The following CNN2 variants were observed in gnomAD, a reference collection of about 807,000 sequenced individuals.
CNN2 encodes calponin 2.
In CNN2, 21 loss-of-function variants were observed where a neutral mutation model predicts 31.0. The observed-to-expected ratio is 0.68, with a 90% CI of 0.48 to 0.98. The LOEUF (loss-of-function observed/expected upper bound fraction) is 0.98. CNN2 is among the 50% of genes least tolerant of loss of function. The probability of loss-of-function intolerance (pLI) is 0.00; values close to 1 mark genes in which losing one functional copy is unlikely to be tolerated. For missense variants in CNN2, 399 were observed against 427.3 expected (o/e 0.93, Z 0.58); for synonymous variants, 165 against 179.6 (o/e 0.92, Z 0.65).
chr19:1,035,473 A>C (rs915545037), intron 4 of CNN2, among the ~76,000 whole-genome samples: 5 of 152,148 alleles, frequency 3.3e-5, no homozygotes, highest in South Asian at 4.1e-4. Context: ...AGTGAGGGGC[A>C]GAGCCAATGG....
intron 1 of CNN2, among the ~76,000 whole-genome samples, chr19:1,027,466 G>A (rs1257340295): frequency 6.6e-6 from 1 of 152,232 alleles, no homozygotes; most frequent in Non-Finnish European, 1.5e-5. Flanking sequence ...CTTGAGCCCA[G>A]CGAGTTCGAG....
At position 1,031,030 on chromosome 19, in the gene CNN2, GC is replaced by G; in HGVS notation, c.64-36del. The G allele has an allele frequency of 2.5e-6, 4 of 1,578,052 alleles. No individual in the cohort carries two copies. The East Asian group carries it at 6.9e-5, about 27-fold the overall frequency. On this transcript the variant is annotated intron_variant, in intron 1 of 6. Transcript: ENST00000263097. ...CTTCTGTGGGGTTCCTGCTGGGGGT[GC>G]CCCCAGCCCAGCTCAGTCTCGTGCC...
At chr19:1,026,840 G>A (rs909819481) in intron 1 of CNN2, 116 bp downstream of exon 1, 73 of 1,011,842 alleles carry the variant, frequency 7.2e-5, no homozygotes, top group Non-Finnish European at 9.3e-5. Flanking sequence ...GAGACCCGGG[G>A]CGGACGGGCC....
intron 2 of CNN2, among the ~76,000 whole-genome samples, 157 bp downstream of exon 2, chr19:1,031,349 G>A (rs1244811318): frequency 2.0e-5 from 3 of 149,414 alleles, no homozygotes; most frequent in South Asian, 2.1e-4. Context: ...GGCGGGGGGC[G>A]GTGGATCTCG....
At chr19:1,031,775 C>T (rs867224602) in intron 2 of CNN2, among the ~76,000 whole-genome samples, 7 of 150,676 alleles carry the variant, frequency 4.6e-5, no homozygotes, top group African/African-American at 1.7e-4. Context: ...CCACCATGCC[C>T]GGCTAATTTT....
At chr19:1,037,577 C>A in intron 6 of CNN2, 48 bp from the exon 7 acceptor site, 1 of 1,579,572 alleles carries the variant, frequency 6.3e-7, no homozygotes, top group Non-Finnish European at 8.7e-7. Flanking sequence ...CAGTGAAGGT[C>A]CCCTCTTCTC....
In CNN2 at chr19:1,037,772, A is replaced by T. The variant is rs745738403; in HGVS notation, c.802A>T (p.Ile268Leu). Residue 268 changes from isoleucine (I) to leucine (L), a missense_variant, in exon 7 of 7, where the codon ATA (isoleucine) becomes TTA (leucine). Physicochemically the swap from Ile to Leu is conservative, Grantham distance 5. Transcript: ENST00000263097. The part of the protein sequence containing the change: ...SGQVFGLGRQ[I>L]YDPKYCPQGT... ...CCAGGTCTTCGGCCTGGGCCGGCAG[A>T]TATATGACCCCAAGTACTGCCCGCA... The T allele has an allele frequency of 8.7e-6, 14 of 1,611,538 alleles. No individual in the cohort carries two copies. The South Asian group carries it at 1.5e-4, about 18-fold the overall frequency.
chr19:1,031,233 A>T, intron 2 of CNN2, 41 bp downstream of exon 2: 1 of 1,474,312 alleles, frequency 6.8e-7, no homozygotes, highest in Admixed American at 2.2e-5. Context: ...ACACTTAACA[A>T]ATCTTGGTTT....
Position 1,029,176 on chromosome 19 carries a change from G to A in CNN2, c.64-1895G>A, listed in dbSNP as rs189517402. 6.1e-4 allele frequency among the ~76,000 whole-genome samples: 64 copies of A among 105,454 alleles called. 1 individual carries two copies. The East Asian group carries it at 9.5e-3, about 16-fold the overall frequency. 69.2% of individuals were successfully genotyped at this position (105,454 alleles called of 152,430 possible). On this transcript the variant is annotated intron_variant, in intron 1 of 6. Coordinates refer to ENST00000263097, the MANE Select transcript of CNN2 (RefSeq NM_004368.4). ...CATCCCAGGCAGGTCCAGCTCAGGG[G>A]ACCCTACCCAAATCATTCCAGGCAG...
At chr19:1,028,223 G>A (rs2039429084) in intron 1 of CNN2, among the ~76,000 whole-genome samples, 1 of 134,026 alleles carries the variant, frequency 7.5e-6, no homozygotes, top group African/African-American at 2.7e-5. Context: ...GTGGGAGCGG[G>A]CACAGGAGGG....
rs769294927 is a variant in CNN2, at chr19:1,036,554, G to T, written c.646G>T (p.Ala216Ser). The T allele has an allele frequency of 6.2e-7, 1 of 1,613,796 alleles. No individual in the cohort carries two copies. The highest frequency in any genetic ancestry group is 8.5e-7 in the Non-Finnish European group (1 of 1,179,932). ...CCTCCAGATGGGCACGAACAAGTGTGCCAGCCAGGTGGGGCTCGCCCGGGT... is the reference window on the plus strand; with the variant it reads ...CCTCCAGATGGGCACGAACAAGTGTTCCAGCCAGGTGGGGCTCGCCCGGGT... ...ISLQMGTNKC[A>S]SQVGMTAPGT... is the part of the protein sequence containing the mutation. Residue 216 changes from alanine (A) to serine (S), a missense_variant, in exon 6 of 7, where the codon GCC becomes TCC. Physicochemically the swap from Ala to Ser is moderately conservative, Grantham distance 99 (BLOSUM62 1). Coordinates refer to ENST00000263097, the MANE Select transcript of CNN2 (RefSeq NM_004368.4).
At chr19:1,026,845 C>G (rs147767045) in intron 1 of CNN2, 121 bp downstream of exon 1, 40,607 of 969,888 alleles carry the variant, frequency 0.042, 1,057 homozygotes, top group South Asian at 0.063. Context: ...CCGGGGCGGA[C>G]GGGCCCTTGT....
At chr19:1,036,031 T>G (rs2144629351) in intron 4 of CNN2, 99 bp from the exon 5 acceptor site, 1 of 1,448,170 alleles carries the variant, frequency 6.9e-7, no homozygotes, top group South Asian at 1.5e-5. Context: ...CAGGCAGAGG[T>G]GACAGGCCGC....
rs933802174 is a variant in CNN2, at chr19:1,031,276, G to T, written c.185+84G>T. 3.4e-5 allele frequency: 44 copies of T among 1,303,246 alleles called. No homozygotes were observed. The Admixed American group carries it at 6.3e-4, about 19-fold the overall frequency. The allele number at this position is 1,303,246 out of a possible 1,614,324, so 80.7% of individuals were successfully genotyped here. On this transcript the variant is annotated intron_variant, in intron 2 of 6. Transcript: ENST00000263097. ...TTTTTTTCTTAATTAAGAAATTTTT[G>T]GGGGGCCGGGCATGGCCTGGCTCAT... is the stretch of plus-strand genomic sequence containing the variant.
At chr19:1,031,547 A>G (rs2039496542) in intron 2 of CNN2, among the ~76,000 whole-genome samples, 1 of 109,626 alleles carries the variant, frequency 9.1e-6, no homozygotes, top group Non-Finnish European at 1.8e-5. Flanking sequence ...CCGGGGTGAC[A>G]CAGCGAGACT....
intron 1 of CNN2, among the ~76,000 whole-genome samples, chr19:1,027,538 G>A (rs1479282362): frequency 6.6e-6 from 1 of 152,252 alleles, no homozygotes; most frequent in Non-Finnish European, 1.5e-5. Flanking sequence ...AGGGCTAGGG[G>A]AGACACTTTT....
Position 1,037,967 on chromosome 19 carries a change from A to ATT in CNN2, c.*68_*69insTT. ...GGTTTTTGGGTTTTTCTGTGTTTTC[A>ATT]TCTTTTTTTTTTTTTTCTTAACCCG... On this transcript the variant is annotated 3_prime_UTR_variant, in exon 7 of 7. Transcript: ENST00000263097. The ATT allele has an allele frequency of 1.5e-6, 2 of 1,349,778 alleles. No individual in the cohort carries two copies. Among genetic ancestry groups the ATT allele is most frequent in the South Asian group, 1.5e-5 (1 of 67,028 alleles). The allele number at this position is 1,349,778 out of a possible 1,614,324, so 83.6% of individuals were successfully genotyped here. A position where few individuals can be genotyped will look rare whatever the true frequency, so the allele number is the denominator to read the frequency against.
intron 2 of CNN2, 45 bp from the exon 3 acceptor site, chr19:1,032,347 C>T (rs1254803604): frequency 1.2e-6 from 2 of 1,609,988 alleles, no homozygotes; most frequent in Non-Finnish European, 1.7e-6. Flanking sequence ...TTCCTCGCTG[C>T]TCACAGAGGT....
rs1057895 is a variant in CNN2 at position 1,038,894 on chromosome 19, C to T, written c.*994C>T. 126,837 of 152,126 alleles carry T rather than the reference C, an allele frequency of 0.83. 53,104 individuals are homozygous for T. The highest frequency in any genetic ancestry group is 0.88 in the Admixed American group (13,453 of 15,248). 9.4% of individuals were successfully genotyped at this position (152,126 alleles called of 1,614,324 possible). The stretch of plus-strand genomic sequence containing the variant: ...CAGCCCCTCAGTAGGTTTTAAGGAG[C>T]CCCCAGCCCTCCTCCCTTCTGGGCC... On this transcript the variant is annotated 3_prime_UTR_variant, in exon 7 of 7. Coordinates refer to ENST00000263097, the MANE Select transcript of CNN2 (RefSeq NM_004368.4).
Sources: gnomAD v4.1 joint callset for allele counts (sites outside exome capture counted in the v4.1 genomes callset) on GRCh38, gnomAD v4.1.1 for gene constraint, MANE v1.5 for transcripts, NCBI Gene and HGNC (gene_info 2026-07-23, HGNC 2026-07-21) for gene names.